The following TBC1D22A variants were observed in gnomAD, a reference collection of about 807,000 sequenced individuals.
The protein encoded by TBC1D22A is putative GTPase activator.
In TBC1D22A, 38 loss-of-function variants were observed where a neutral mutation model predicts 60.2. The observed-to-expected ratio is 0.63, with a 90% CI of 0.49 to 0.83. The LOEUF (loss-of-function observed/expected upper bound fraction) is 0.83, where lower values mean the gene tolerates loss of function less well. TBC1D22A is among the 40% of genes least tolerant of loss of function. TBC1D22A has a pLI of 0.00. For missense variants in TBC1D22A, 628 were observed against 701.0 expected (o/e 0.90, Z 1.18); for synonymous variants, 302 against 281.7 (o/e 1.07, Z -0.72).
At chr22:46,792,799 G>C (rs1435071377) in intron 2 of TBC1D22A, 5 of 1,452,784 alleles carry the variant, frequency 3.4e-6, no homozygotes, top group South Asian at 2.8e-5. Flanking sequence ...AGCCTGATGT[G>C]GGGAGGTGGG....
intron 4 of TBC1D22A, among the ~76,000 whole-genome samples, chr22:46,803,598 T>C (rs2084997900): frequency 1.3e-5 from 2 of 152,120 alleles, no homozygotes; most frequent in Admixed American, 6.5e-5. Context: ...GTTGGCCTTG[T>C]GGGTGGGGGG....
rs140099527 is a variant in TBC1D22A at position 46,802,300 on chromosome 22, C to T, written c.637+4680C>T. 4.7e-3 allele frequency among the ~76,000 whole-genome samples: 715 copies of T among 152,330 alleles called. 5 individuals carry two copies. The highest frequency in any genetic ancestry group is 0.017 in the African/African-American group (687 of 41,574). The stretch of plus-strand genomic sequence containing the variant: ...ACAGAGGGAGCTCGCTCAGTACCCC[C>T]GCAACCATCAGAAGGCAGGAAGCAT... On this transcript the variant is annotated intron_variant, in intron 4 of 12. Transcript: ENST00000337137.
intron 11 of TBC1D22A, among the ~76,000 whole-genome samples, chr22:47,086,700 C>T (rs2064706067): frequency 6.6e-6 from 1 of 152,100 alleles, no homozygotes; most frequent in South Asian, 2.1e-4. Context: ...GGGGACTTTC[C>T]TCGTACGGTG....
rs932104459 is a variant in TBC1D22A, at chr22:47,028,351, G to A, written c.1202-8720G>A. Among the ~76,000 whole-genome samples the A allele has an allele frequency of 6.7e-6, 1 of 150,152 alleles. No individual in the cohort carries two copies. Among genetic ancestry groups the A allele is most frequent in the East Asian group, 2.0e-4 (1 of 5,086 alleles). On this transcript the variant is annotated intron_variant, in intron 10 of 12. Transcript: ENST00000337137. The surrounding 1 kb of genome is among the most constrained non-coding windows in gnomAD (Gnocchi z 4.4). ...CTGTCCCTCGGTCCCTGTCCCCCAC[G>A]GCCCAGGTTCTGAGAGTGAGTGGTC...
At chr22:47,001,237 G>A (rs1048463623) in intron 10 of TBC1D22A, among the ~76,000 whole-genome samples, 19 of 151,616 alleles carry the variant, frequency 1.3e-4, no homozygotes, top group Non-Finnish European at 2.8e-4. Context: ...ATGCTAGTGA[G>A]AAGCAAAACA....
At chr22:46,778,928 C>G (rs930255623) in intron 1 of TBC1D22A, among the ~76,000 whole-genome samples, 1 of 152,040 alleles carries the variant, frequency 6.6e-6, no homozygotes, top group Non-Finnish European at 1.5e-5. Context: ...CCTGTAATCC[C>G]AGATACCCAG....
At chr22:46,769,111 A>AAG (rs1569353212) in intron 1 of TBC1D22A, among the ~76,000 whole-genome samples, 1 of 150,992 alleles carries the variant, frequency 6.6e-6, no homozygotes, top group African/African-American at 2.4e-5. Flanking sequence ...AAAAAAAAAA[A>AAG]AAAAAGAAAG....
At chr22:47,170,603 G>A (rs1274271668) in intron 12 of TBC1D22A, among the ~76,000 whole-genome samples, 12 of 151,780 alleles carry the variant, frequency 7.9e-5, no homozygotes, top group Non-Finnish European at 8.8e-5. Flanking sequence ...ATTGGAAGAC[G>A]GTCCTGGTGT....
intron 10 of TBC1D22A, among the ~76,000 whole-genome samples, chr22:47,034,190 A>G (rs1458246498): frequency 6.6e-6 from 1 of 152,230 alleles, no homozygotes; most frequent in East Asian, 1.9e-4. Context: ...TAAGTGAGCA[A>G]CACGCTGGCG....
chr22:46,852,624 C>T (rs1329334029), intron 4 of TBC1D22A, among the ~76,000 whole-genome samples: 1 of 152,208 alleles, frequency 6.6e-6, no homozygotes, highest in Admixed American at 6.5e-5. Flanking sequence ...TGCCTTTGCT[C>T]CACTTCACTC....
At chr22:46,805,521 G>A (rs1178800946) in intron 4 of TBC1D22A, among the ~76,000 whole-genome samples, 2 of 152,192 alleles carry the variant, frequency 1.3e-5, no homozygotes, top group African/African-American at 4.8e-5. Flanking sequence ...CAGCTCTAAA[G>A]GGGCTGTCAC....
Position 46,896,266 on chromosome 22 carries a change from T to G in TBC1D22A, c.900+1420T>G, listed in dbSNP as rs570940278. Among the ~76,000 whole-genome samples the G allele has an allele frequency of 2.0e-5, 3 of 152,328 alleles. No homozygotes were observed. In the East Asian group the frequency reaches 5.8e-4, roughly 29 times the overall value. On this transcript the variant is annotated intron_variant, in intron 7 of 12. Transcript: ENST00000337137. ...CTTTACATGGTAAGAATTCTGATTC[T>G]TTGTCAGTTTGTATGTTGTAAAGAT...
chr22:47,135,581 G>A (rs2066836147), intron 12 of TBC1D22A, among the ~76,000 whole-genome samples: 1 of 152,222 alleles, frequency 6.6e-6, no homozygotes, highest in African/African-American at 2.4e-5. Flanking sequence ...GCAGTAGTGG[G>A]GCATGGCCCA....
chr22:47,059,004 C>T (rs544115100), intron 11 of TBC1D22A, among the ~76,000 whole-genome samples: 21 of 152,288 alleles, frequency 1.4e-4, no homozygotes, highest in African/African-American at 4.1e-4. Flanking sequence ...CCAGGTCCTG[C>T]GCTGGACACT....
intron 7 of TBC1D22A, among the ~76,000 whole-genome samples, chr22:46,900,176 C>T (rs2068910200): frequency 6.7e-6 from 1 of 149,044 alleles, no homozygotes; most frequent in Non-Finnish European, 1.5e-5. Context: ...TGAGATGGAG[C>T]CTCGCTCTGT....
intron 12 of TBC1D22A, among the ~76,000 whole-genome samples, chr22:47,121,220 C>T (rs527943580): frequency 2.6e-5 from 4 of 152,318 alleles, no homozygotes; most frequent in Non-Finnish European, 4.4e-5. Context: ...CCGCTTTTAG[C>T]GAGGGGCCTC....
intron 10 of TBC1D22A, among the ~76,000 whole-genome samples, chr22:47,034,878 A>G (rs1308243553): frequency 1.3e-5 from 2 of 152,164 alleles, no homozygotes; most frequent in Admixed American, 6.5e-5. Flanking sequence ...GCTCAGAATA[A>G]ACTGTCCTTG....
At chr22:47,001,299 C>CTTTT (rs11331060) in intron 10 of TBC1D22A, among the ~76,000 whole-genome samples, 1 of 133,900 alleles carries the variant, frequency 7.5e-6, no homozygotes. Flanking sequence ...TTCTTTCTTT[C>CTTTT]TTTTTTTTTT....
chr22:47,135,065 C>T lies in TBC1D22A; in HGVS notation c.1425+23462C>T, dbSNP rs925706877. 2.0e-5 allele frequency among the ~76,000 whole-genome samples: 3 copies of T among 152,368 alleles called. No homozygotes were observed. The East Asian group carries it at 5.8e-4, about 29-fold the overall frequency. The stretch of plus-strand genomic sequence containing the variant: ...CCTGTGGCCAGACTCAGACCCCCGC[C>T]CCAGTCCCCAGCTGGGAAGGGGACA... On this transcript the variant is annotated intron_variant, in intron 12 of 12. Coordinates refer to ENST00000337137, the MANE Select transcript of TBC1D22A (RefSeq NM_014346.5).
Sources: gnomAD v4.1 joint callset for allele counts (sites outside exome capture counted in the v4.1 genomes callset) on GRCh38, gnomAD v4.1.1 for gene constraint, Gnocchi (gnomAD v3.1) non-coding constraint, MANE v1.5 for transcripts, NCBI Gene and HGNC (gene_info 2026-07-23, HGNC 2026-07-21) for gene names.